IL20: variants seen among roughly 807,000 people sequenced by gnomAD.
The protein encoded by IL20 is interleukin 20.
IL20 carries 22 observed loss-of-function variants against 19.2 expected under a neutral mutation model. The observed-to-expected ratio is 1.15, with a 90% CI of 0.82 to 1.64. The LOEUF is 1.64. Among genes scored for constraint, IL20 ranks in the 40% most tolerant of loss-of-function variants. The pLI, the probability that IL20 is intolerant of heterozygous loss-of-function variation, is 0.00. For missense variants in IL20, 215 were observed against 212.8 expected (o/e 1.01, Z -0.06); for synonymous variants, 70 against 76.2 (o/e 0.92, Z 0.43).
chr1:206,866,406 G>C (rs370272158), intron 3 of IL20, 42 bp downstream of exon 3: 44 of 1,612,760 alleles, frequency 2.7e-5, no homozygotes, highest in Non-Finnish European at 3.7e-5. Context: ...GAGGAGTGGA[G>C]TGGGAGCATC....
intron 2 of IL20, 120 bp downstream of exon 2, chr1:206,866,131 C>G (rs954976636): frequency 1.7e-5 from 20 of 1,176,466 alleles, no homozygotes; most frequent in Middle Eastern, 2.3e-4. Context: ...GATTCCTTAC[C>G]CGGGGGATGT....
chr1:206,868,531 C>G lies in IL20; in HGVS notation c.498C>G (p.Asp166Glu). 6.2e-7 allele frequency: 1 copy of G among 1,606,646 alleles called. No homozygotes were observed. ...AAVVKALGEL[D>E]ILLQWMEETE The stretch of plus-strand genomic sequence containing the variant: ...TTGTGAAGGCTTTGGGGGAACTAGA[C>G]ATTCTTCTGCAATGGATGGAGGAGA... Residue 166 changes from aspartate (D) to glutamate (E), a missense_variant, in exon 6 of 6, where the codon GAC becomes GAG. By Grantham distance (45) the Asp-to-Glu change is conservative. Transcript: ENST00000367098.
intron 2 of IL20, 98 bp from the exon 3 acceptor site, chr1:206,866,201 A>C: frequency 7.8e-7 from 1 of 1,288,254 alleles, no homozygotes; most frequent in South Asian, 1.2e-5. Context: ...GACACCTCCC[A>C]CTAGTTCTTG....
intron 3 of IL20, 25 bp from the exon 4 acceptor site, chr1:206,866,459 C>G (rs372073353): frequency 5.7e-4 from 922 of 1,613,888 alleles, no homozygotes; most frequent in Non-Finnish European, 7.2e-4. Context: ...TTTCCCCTCA[C>G]CAATATACCT....
rs1329382053 is a variant in IL20 at position 206,866,594 on chromosome 1, C to T, written c.336C>T (p.Leu112=). 35 of 1,614,022 alleles carry T rather than the reference C, an allele frequency of 2.2e-5. No individual in the cohort carries two copies. The highest frequency in any genetic ancestry group is 4.5e-5 in the East Asian group (2 of 44,898). ...ATACTCTCCGGAAGATCAGCAGCCTCGCCAATTCCTTTCTTACCATCAAGA... is the reference window on the plus strand; with the variant it reads ...ATACTCTCCGGAAGATCAGCAGCCTTGCCAATTCCTTTCTTACCATCAAGA... ...DHYTLRKISS[L]ANSFLTIKKD... is the part of the protein sequence containing the mutation. Residue 112 remains leucine, a synonymous_variant, in exon 4 of 6, where the codon CTC becomes CTT. Coordinates refer to ENST00000367098, the MANE Select transcript of IL20 (RefSeq NM_018724.4).
chr1:206,867,586 G>C (rs1418169481), intron 5 of IL20, 128 bp downstream of exon 5: 5 of 777,950 alleles, frequency 6.4e-6, no homozygotes, highest in Non-Finnish European at 1.1e-5. Flanking sequence ...AAATCATGAG[G>C]ACCAGCCCTT....
upstream of IL20, chr1:206,865,525 C>G: frequency 1.8e-6 from 2 of 1,106,696 alleles, no homozygotes; most frequent in Non-Finnish European, 2.2e-6. This position sits in a 1 kb window ranked among gnomAD's most constrained non-coding sequence, Gnocchi z 4.1. Context: ...TATCTATTCA[C>G]TGCAAGTGCC....
At chr1:206,865,518 C>G (rs1677520046), upstream of IL20, 2 of 1,078,626 alleles carry the variant, frequency 1.9e-6, no homozygotes, top group African/African-American at 1.6e-5. This position sits in a 1 kb window ranked among gnomAD's most constrained non-coding sequence, Gnocchi z 4.1. Flanking sequence ...CATTCTCTAT[C>G]TATTCACTGC....
At chr1:206,867,711 G>C (rs1677598766) in intron 5 of IL20, among the ~76,000 whole-genome samples, 1 of 152,144 alleles carries the variant, frequency 6.6e-6, no homozygotes, top group Admixed American at 6.5e-5. Context: ...GTGACATCTG[G>C]ATCTTTTAGC....
chr1:206,865,905 T>C lies in IL20; in HGVS notation c.53T>C (p.Leu18Pro), dbSNP rs978819066. 3.1e-6 allele frequency: 5 copies of C among 1,614,032 alleles called. No individual in the cohort carries two copies. The highest frequency in any genetic ancestry group is 4.2e-6 in the Non-Finnish European group (5 of 1,179,896). Residue 18 changes from leucine (L) to proline (P), a missense_variant, in exon 2 of 6, where the codon CTA (leucine) becomes CCA (proline). Leu to Pro is a moderately conservative substitution (Grantham distance 98). Coordinates refer to ENST00000367098, the MANE Select transcript of IL20 (RefSeq NM_018724.4). The surrounding 1 kb of genome is among the most constrained non-coding windows in gnomAD (Gnocchi z 4.1). ...CTTCTCTCTGCTGCGTTTTATCTCC[T>C]ATGGACTCCTTCCACTGGACTGAAG... ...FSLLSAAFYL[L>P]WTPSTGLKTL... is the part of the protein sequence containing the mutation.
chr1:206,864,748 C>T (rs2102503879), upstream of IL20, among the ~76,000 whole-genome samples: 1 of 152,132 alleles, frequency 6.6e-6, no homozygotes, highest in African/African-American at 2.4e-5. Context: ...CGAATTTTGT[C>T]TTTATATAAA....
At chr1:206,866,697 C>A in intron 4 of IL20, 61 bp downstream of exon 4, 1 of 1,488,434 alleles carries the variant, frequency 6.7e-7, no homozygotes, top group African/African-American at 1.4e-5. Context: ...GGCTTAGCAA[C>A]TAAACTCTCT....
upstream of IL20, chr1:206,865,578 A>G (rs1398048883): frequency 5.0e-6 from 6 of 1,205,744 alleles, no homozygotes; most frequent in Non-Finnish European, 5.2e-6. This position sits in a 1 kb window ranked among gnomAD's most constrained non-coding sequence, Gnocchi z 4.1. Flanking sequence ...CGGCGGAGCC[A>G]GGATGGGGAC....
chr1:206,866,648 T>A lies in IL20; in HGVS notation c.378+12T>A, dbSNP rs1430015328. Reference sequence around the variant, plus strand: ...ACCTCCGGCTCTGTGTGAGTGTGGGTCTTGGGTGACAGGATGCATCTCAGC... The same window carrying A: ...ACCTCCGGCTCTGTGTGAGTGTGGGACTTGGGTGACAGGATGCATCTCAGC... On this transcript the variant is annotated intron_variant, in intron 4 of 5. Transcript: ENST00000367098. 1 of 1,613,478 alleles carries A rather than the reference T, an allele frequency of 6.2e-7. No individual in the cohort carries two copies. Among genetic ancestry groups the A allele is most frequent in the East Asian group, 2.2e-5 (1 of 44,880 alleles).
intron 2 of IL20, 41 bp downstream of exon 2, chr1:206,866,052 C>G (rs767673429): frequency 1.3e-6 from 2 of 1,572,474 alleles, no homozygotes; most frequent in Non-Finnish European, 8.8e-7. Context: ...AGCCTTTTCT[C>G]TTCCTTCCTT....
Sources: gnomAD v4.1 joint callset for allele counts (sites outside exome capture counted in the v4.1 genomes callset) on GRCh38, gnomAD v4.1.1 for gene constraint, Gnocchi (gnomAD v3.1) non-coding constraint, MANE v1.5 for transcripts, NCBI Gene and HGNC (gene_info 2026-07-23, HGNC 2026-07-21) for gene names.